Variants in SGCZ observed in about 807,000 individuals in gnomAD.
The protein encoded by SGCZ is zeta-sarcoglycan.
In SGCZ, 40 loss-of-function variants were observed where a neutral mutation model predicts 41.3. The observed-to-expected ratio is 0.97, with a 90% CI of 0.75 to 1.26. The LOEUF is 1.26. Ranked by LOEUF, SGCZ falls within the 50% of genes most tolerant of loss-of-function variation. SGCZ has a pLI of 0.00. For synonymous variants in SGCZ, 206 were observed against 137.5 expected (o/e 1.50, Z -3.49); for missense variants, 552 against 369.8 (o/e 1.49, Z -4.04).
chr8:14,398,599 C>T (rs979781517), intron 2 of SGCZ, among the ~76,000 whole-genome samples: 3 of 151,842 alleles, frequency 2.0e-5, no homozygotes, highest in Non-Finnish European at 2.9e-5. Flanking sequence ...TTGGGGAGTG[C>T]TCTGGGAGAA....
chr8:14,888,111 T>C (rs1804878129), intron 1 of SGCZ, among the ~76,000 whole-genome samples: 1 of 152,052 alleles, frequency 6.6e-6, no homozygotes, highest in African/African-American at 2.4e-5. Context: ...TGTAATAAAA[T>C]AAAAAAGTAG....
At chr8:14,101,375 T>TA (rs1563126528) in intron 7 of SGCZ, among the ~76,000 whole-genome samples, 1 of 73,176 alleles carries the variant, frequency 1.4e-5, no homozygotes, top group Non-Finnish European at 5.0e-5. Context: ...GAAAAGACCA[T>TA]GGAAAATTGG....
intron 1 of SGCZ, among the ~76,000 whole-genome samples, chr8:14,663,286 A>G (rs200885194): frequency 6.6e-6 from 1 of 152,200 alleles, no homozygotes; most frequent in Non-Finnish European, 1.5e-5. Flanking sequence ...TTAGCATCCC[A>G]TAATAAATGC....
chr8:14,969,328 T>C (rs1311113813), intron 1 of SGCZ, among the ~76,000 whole-genome samples: 3 of 152,174 alleles, frequency 2.0e-5, no homozygotes, highest in Non-Finnish European at 4.4e-5. Context: ...GACTACACAC[T>C]GAAACATCTA....
At chr8:14,817,172 C>G (rs112144462) in intron 1 of SGCZ, among the ~76,000 whole-genome samples, 2,651 of 152,292 alleles carry the variant, frequency 0.017, 43 homozygotes, top group South Asian at 0.039. Context: ...GGGAGACTGC[C>G]TCCTTCTGTG....
chr8:14,418,978 T>C (rs557917569), intron 2 of SGCZ, among the ~76,000 whole-genome samples: 2 of 152,096 alleles, frequency 1.3e-5, no homozygotes, highest in East Asian at 3.9e-4. Context: ...AACTATCTAC[T>C]AGCACTTTTG....
chr8:14,489,293 A>G (rs17119376), intron 2 of SGCZ, among the ~76,000 whole-genome samples: 10,014 of 152,162 alleles, frequency 0.066, 412 homozygotes, highest in East Asian at 0.16. Flanking sequence ...CTGTGTCTAC[A>G]ATTTGGCATA....
chr8:15,121,801 C>T (rs1807487025), intron 1 of SGCZ, among the ~76,000 whole-genome samples: 1 of 148,790 alleles, frequency 6.7e-6, no homozygotes, highest in African/African-American at 2.5e-5. Flanking sequence ...GTTTTGAAAA[C>T]AGTGCCAATA....
At chr8:14,377,511 AT>A (rs896838276) in intron 2 of SGCZ, among the ~76,000 whole-genome samples, 4 of 151,146 alleles carry the variant, frequency 2.6e-5, no homozygotes, top group African/African-American at 9.7e-5. Context: ...TATTATTTTT[AT>A]TTTTTTTGTT....
At chr8:15,181,312 A>C (rs1030803847) in intron 1 of SGCZ, among the ~76,000 whole-genome samples, 1 of 152,082 alleles carries the variant, frequency 6.6e-6, no homozygotes, top group Non-Finnish European at 1.5e-5. Context: ...TTTCTACTTA[A>C]GAGTTTATAA....
chr8:14,795,100 C>T (rs979245676), intron 1 of SGCZ, among the ~76,000 whole-genome samples: 17 of 152,020 alleles, frequency 1.1e-4, no homozygotes, highest in Admixed American at 1.0e-3. Flanking sequence ...AACAGAAGAC[C>T]CAACACAGAA....
At chr8:14,645,209 C>A (rs1292374174) in intron 1 of SGCZ, among the ~76,000 whole-genome samples, 6 of 151,562 alleles carry the variant, frequency 4.0e-5, no homozygotes, top group East Asian at 3.9e-4. Flanking sequence ...AATTACTCTA[C>A]AAAATTTTTG....
intron 5 of SGCZ, among the ~76,000 whole-genome samples, chr8:14,144,153 G>A (rs907625564): frequency 2.4e-4 from 37 of 152,252 alleles, no homozygotes; most frequent in Admixed American, 1.3e-3. Flanking sequence ...GACAACAGCC[G>A]GGACAGCCAA....
At chr8:14,817,633 G>A (rs1273167043) in intron 1 of SGCZ, among the ~76,000 whole-genome samples, 1 of 152,176 alleles carries the variant, frequency 6.6e-6, no homozygotes, top group African/African-American at 2.4e-5. Context: ...TGGAGCCTAG[G>A]CCAGATGGAA....
intron 1 of SGCZ, among the ~76,000 whole-genome samples, chr8:14,745,658 C>CACACAT (rs1799320118): frequency 6.6e-6 from 1 of 151,818 alleles, no homozygotes; most frequent in Admixed American, 6.6e-5. Context: ...TATATATATA[C>CACACAT]ACACATACAT....
intron 3 of SGCZ, among the ~76,000 whole-genome samples, chr8:14,299,565 C>A (rs1466677172): frequency 1.3e-5 from 2 of 151,896 alleles, no homozygotes; most frequent in Admixed American, 1.3e-4. Context: ...GAGTGCTCAA[C>A]ATCATTTGCC....
intron 1 of SGCZ, among the ~76,000 whole-genome samples, chr8:14,753,925 A>G (rs1799577555): frequency 6.6e-6 from 1 of 152,236 alleles, no homozygotes; most frequent in Non-Finnish European, 1.5e-5. Context: ...GCCTTTGCCT[A>G]CAAACGTATA....
At chr8:14,847,119 G>GAACAAGA (rs1423426300) in intron 1 of SGCZ, among the ~76,000 whole-genome samples, 1 of 101,952 alleles carries the variant, frequency 9.8e-6, no homozygotes, top group Non-Finnish European at 1.9e-5. Flanking sequence ...GAAAGAAGAA[G>GAACAAGA]AAGAAGAAAG....
In SGCZ at chr8:15,198,040, T is replaced by A. The variant is rs560529615; in HGVS notation, c.39+39545A>T. 2.0e-5 allele frequency among the ~76,000 whole-genome samples: 3 copies of A among 147,572 alleles called. 1 individual carries two copies. The South Asian group carries it at 6.3e-4, about 31-fold the overall frequency. Reference sequence around the variant, plus strand: ...TATATGTATTATGTTACATTATATATTTATATTATATATTACATTATATAT... The same window carrying A: ...TATATGTATTATGTTACATTATATAATTATATTATATATTACATTATATAT... On this transcript the variant is annotated intron_variant, in intron 1 of 7. Transcript: ENST00000382080.
Sources: gnomAD v4.1 joint callset for allele counts (sites outside exome capture counted in the v4.1 genomes callset) on GRCh38, gnomAD v4.1.1 for gene constraint, MANE v1.5 for transcripts, NCBI Gene and HGNC (gene_info 2026-07-23, HGNC 2026-07-21) for gene names.